Variants in TAOK1 observed in about 807,000 individuals in gnomAD.
The protein encoded by TAOK1 is TAO kinase 1.
Under a neutral mutation model 138.3 loss-of-function variants are expected in TAOK1, and 21 were observed. The ratio of observed to expected loss-of-function variants is 0.15; its 90% CI spans 0.11 to 0.22. TAOK1 has a LOEUF of 0.22. Among genes scored for constraint, TAOK1 ranks in the 10% least tolerant of loss-of-function variants. TAOK1 has a pLI of 1.00. For synonymous variants in TAOK1, 361 were observed against 398.4 expected (o/e 0.91, Z 1.12); for missense variants, 651 against 1,227.7 (o/e 0.53, Z 7.02).
intron 2 of TAOK1, among the ~76,000 whole-genome samples, chr17:29,455,517 C>T (rs1287543767): frequency 6.6e-6 from 1 of 150,494 alleles, no homozygotes; most frequent in South Asian, 2.1e-4. Flanking sequence ...GTTGAACAGC[C>T]GTGGTGAAAG....
At chr17:29,403,133 C>G (rs1904896868) in intron 1 of TAOK1, among the ~76,000 whole-genome samples, 1 of 128,390 alleles carries the variant, frequency 7.8e-6, no homozygotes, top group Non-Finnish European at 1.5e-5. Context: ...TGCACTCCAG[C>G]CTGGGTGACA....
chr17:29,526,239 C>T (rs111784342), intron 17 of TAOK1, among the ~76,000 whole-genome samples: 29,649 of 151,892 alleles, frequency 0.2, 3,724 homozygotes, highest in Non-Finnish European at 0.27. Context: ...GAGCCAAGAT[C>T]GCGCCATTCC....
intron 1 of TAOK1, among the ~76,000 whole-genome samples, chr17:29,421,374 G>C (rs1459472645): frequency 6.6e-6 from 1 of 152,114 alleles, no homozygotes; most frequent in Non-Finnish European, 1.5e-5. Context: ...CATTATATCT[G>C]TTTGAGATAC....
intron 6 of TAOK1, 121 bp downstream of exon 6, chr17:29,478,468 T>A (rs1598498508): frequency 1.7e-6 from 1 of 586,152 alleles, no homozygotes; most frequent in East Asian, 3.4e-5. Flanking sequence ...TAAGCTCATA[T>A]TTTTTTAGAT....
In TAOK1 at chr17:29,465,837, C is replaced by CTTTTTTTTTTTTTTTTTT. The variant is rs3058623; in HGVS notation, c.133-1298_133-1281dup. 1.9e-3 allele frequency among the ~76,000 whole-genome samples: 88 copies of CTTTTTTTTTTTTTTTTTT among 45,452 alleles called. 25 individuals are homozygous for CTTTTTTTTTTTTTTTTTT. The highest frequency in any genetic ancestry group is 5.3e-3 in the African/African-American group (46 of 8,726). The allele number at this position is 45,452 out of a possible 152,430, so 29.8% of individuals were successfully genotyped here. A position where few individuals can be genotyped will look rare whatever the true frequency, so the allele number is the denominator to read the frequency against. On this transcript the variant is annotated intron_variant, in intron 2 of 19. Coordinates refer to ENST00000261716, the MANE Select transcript of TAOK1 (RefSeq NM_020791.4). ...AAGAGTTAACTGTCAAGTTTCTGTG[C>CTTTTTTTTTTTTTTTTTT]TTTTTTTTTTTTTTTTTTTTTTTTT...
Position 29,549,979 on chromosome 17 carries a change from G to A in TAOK1, c.*6957G>A, listed in dbSNP as rs1355025704. Reference sequence around the variant, plus strand: ...ATAATCCAAGCTAGAGACACAAGGTGGGAAAACATTTCAAAAAAAAAAAGT... The same window carrying A: ...ATAATCCAAGCTAGAGACACAAGGTAGGAAAACATTTCAAAAAAAAAAAGT... On this transcript the variant is annotated 3_prime_UTR_variant, in exon 20 of 20. Transcript: ENST00000261716. 1 of 151,780 alleles carries A rather than the reference G, an allele frequency of 6.6e-6. No individual in the cohort carries two copies. Among genetic ancestry groups the A allele is most frequent in the Non-Finnish European group, 1.5e-5 (1 of 67,958 alleles). 9.4% of individuals were successfully genotyped at this position (151,780 alleles called of 1,614,324 possible).
chr17:29,530,098 T>G (rs750696735), intron 17 of TAOK1, among the ~76,000 whole-genome samples: 17 of 152,132 alleles, frequency 1.1e-4, no homozygotes, highest in Admixed American at 6.6e-4. Flanking sequence ...TCAAAGCTAA[T>G]TTTAATATCT....
rs1309898883 is a variant in TAOK1 at position 29,502,680 on chromosome 17, A to G, written c.1295A>G (p.Tyr432Cys). 6 of 1,614,048 alleles carry G rather than the reference A, an allele frequency of 3.7e-6. No homozygotes were observed. Among genetic ancestry groups the G allele is most frequent in the Admixed American group, 1.7e-5 (1 of 60,004 alleles). Residue 432 changes from tyrosine to cysteine, a missense_variant, in exon 13 of 20, where the codon TAT becomes TGT. Physicochemically the swap from Tyr to Cys is radical, Grantham distance 194. Transcript: ENST00000261716. ...CAAGTATCTCGTCACAAATCACACTATCGTAATCGAGAACACTTTGCTACT... is the reference window on the plus strand; with the variant it reads ...CAAGTATCTCGTCACAAATCACACTGTCGTAATCGAGAACACTTTGCTACT... ...PPQVSRHKSH[Y>C]RNREHFATIR...
At chr17:29,451,220 A>C (rs1283566662) in intron 1 of TAOK1, among the ~76,000 whole-genome samples, 3 of 152,188 alleles carry the variant, frequency 2.0e-5, no homozygotes, top group Non-Finnish European at 4.4e-5. Flanking sequence ...AAAACCTCCC[A>C]AGATACAAAG....
intron 1 of TAOK1, among the ~76,000 whole-genome samples, chr17:29,439,361 C>T (rs1487531344): frequency 6.6e-6 from 1 of 152,000 alleles, no homozygotes; most frequent in African/African-American, 2.4e-5. Context: ...CGCCACCATG[C>T]CTGGCTAATT....
intron 17 of TAOK1, among the ~76,000 whole-genome samples, chr17:29,529,944 T>G (rs2150771795): frequency 6.6e-6 from 1 of 151,946 alleles, no homozygotes; most frequent in Non-Finnish European, 1.5e-5. Flanking sequence ...GGACGATTGC[T>G]TGAGCATAGG....
chr17:29,463,843 T>C (rs2030590192), intron 2 of TAOK1, among the ~76,000 whole-genome samples: 1 of 152,176 alleles, frequency 6.6e-6, no homozygotes, highest in Admixed American at 6.5e-5. Context: ...GTCTTGAATA[T>C]ATGAAGAACT....
At chr17:29,471,161 A>AAAAT (rs1555563224) in intron 3 of TAOK1, among the ~76,000 whole-genome samples, 4 of 149,022 alleles carry the variant, frequency 2.7e-5, no homozygotes, top group African/African-American at 9.9e-5. Context: ...TCATCTAAAA[A>AAAAT]ATATATATAT....
At chr17:29,523,419 G>A (rs915694332) in intron 17 of TAOK1, among the ~76,000 whole-genome samples, 18 of 152,078 alleles carry the variant, frequency 1.2e-4, no homozygotes, top group African/African-American at 3.9e-4. Flanking sequence ...ACAGAGTCTC[G>A]CTCTTTCGCC....
rs2032500481 is a variant in TAOK1 at position 29,551,793 on chromosome 17, A to C, written c.*8771A>C. ...AAAGCTGTTACCAAGTTGTCAGAAC[A>C]TAAGAGCGAAAACAAGGTCATATGT... On this transcript the variant is annotated 3_prime_UTR_variant, in exon 20 of 20. Transcript: ENST00000261716. 6.5e-6 allele frequency: 1 copy of C among 152,696 alleles called. No homozygotes were observed. The highest frequency in any genetic ancestry group is 1.5e-5 in the Non-Finnish European group (1 of 68,054). 9.5% of individuals were successfully genotyped at this position (152,696 alleles called of 1,614,324 possible). A position where few individuals can be genotyped will look rare whatever the true frequency, so the allele number is the denominator to read the frequency against.
intron 3 of TAOK1, among the ~76,000 whole-genome samples, chr17:29,474,056 G>A (rs894788852): frequency 7.9e-5 from 12 of 151,964 alleles, no homozygotes; most frequent in Non-Finnish European, 1.8e-4. Context: ...TTTATTTTAC[G>A]GAGATAATTT....
In TAOK1 at chr17:29,428,078, A is replaced by G. The variant is rs548265857; in HGVS notation, c.-94-23377A>G. Among the ~76,000 whole-genome samples, 51 of 152,336 alleles carry G rather than the reference A, an allele frequency of 3.3e-4. 1 individual carries two copies. Among genetic ancestry groups the G allele is most frequent in the South Asian group, 8.3e-4 (4 of 4,834 alleles). Reference sequence around the variant, plus strand: ...TTTCATCAGGATGCCACCCAAATGAATAAGTGCCAACCGTTTTTTTCCAGA... The same window carrying G: ...TTTCATCAGGATGCCACCCAAATGAGTAAGTGCCAACCGTTTTTTTCCAGA... On this transcript the variant is annotated intron_variant, in intron 1 of 19. Coordinates refer to ENST00000261716, the MANE Select transcript of TAOK1 (RefSeq NM_020791.4).
intron 2 of TAOK1, among the ~76,000 whole-genome samples, chr17:29,465,584 T>A (rs1040154486): frequency 5.3e-5 from 8 of 152,140 alleles, no homozygotes; most frequent in African/African-American, 1.9e-4. Flanking sequence ...GTTCAATTAT[T>A]TTTAGTAGAT....
chr17:29,540,922 C>G (rs970380447), intron 19 of TAOK1, among the ~76,000 whole-genome samples: 4 of 151,816 alleles, frequency 2.6e-5, no homozygotes, highest in Non-Finnish European at 5.9e-5. Flanking sequence ...CCAGGCTGGT[C>G]TCAAACTCCT....
Sources: gnomAD v4.1 joint callset for allele counts (sites outside exome capture counted in the v4.1 genomes callset) on GRCh38, gnomAD v4.1.1 for gene constraint, MANE v1.5 for transcripts, NCBI Gene and HGNC (gene_info 2026-07-23, HGNC 2026-07-21) for gene names.